TCF4: variants seen among roughly 807,000 people sequenced by gnomAD.
The protein encoded by TCF4 is SL3-3 enhancer factor 2.
In TCF4, 3 loss-of-function variants were observed where a neutral mutation model predicts 82.1. That is an observed-to-expected ratio of 0.04 (90% CI 0.02 to 0.09). TCF4 has a LOEUF of 0.09. TCF4 is among the 10% of genes least tolerant of loss of function. TCF4 has a pLI of 1.00. For missense variants in TCF4, 518 were observed against 852.7 expected, an observed-to-expected ratio of 0.61 and a Z score of 4.89; for synonymous variants, 276 against 309.6, an observed-to-expected ratio of 0.89 and a Z score of 1.14.
At chr18:55,323,839 T>C (rs1393872560) in intron 8 of TCF4, among the ~76,000 whole-genome samples, 6 of 152,256 alleles carry the variant, frequency 3.9e-5, no homozygotes, top group Non-Finnish European at 8.8e-5. Flanking sequence ...AAGGCTTTTC[T>C]AGATCCTAAC....
intron 11 of TCF4, among the ~76,000 whole-genome samples, chr18:55,261,996 G>A (rs1306621307): frequency 2.0e-5 from 3 of 152,124 alleles, no homozygotes; most frequent in African/African-American, 7.2e-5. Context: ...CAGTCCTACA[G>A]TACACCAAAC....
At chr18:55,524,881 T>G (rs2096965366) in intron 3 of TCF4, among the ~76,000 whole-genome samples, 1 of 152,136 alleles carries the variant, frequency 6.6e-6, no homozygotes, top group African/African-American at 2.4e-5. Flanking sequence ...AATTAGCATT[T>G]CAAAAGACAG....
At chr18:55,509,792 C>A (rs963314956) in intron 3 of TCF4, among the ~76,000 whole-genome samples, 4 of 152,174 alleles carry the variant, frequency 2.6e-5, no homozygotes, top group African/African-American at 9.6e-5. Context: ...AAGTTCTGAG[C>A]CAAAAATAAA....
chr18:55,434,522 C>A (rs2095281948), intron 5 of TCF4, among the ~76,000 whole-genome samples: 1 of 150,570 alleles, frequency 6.6e-6, no homozygotes, highest in South Asian at 2.1e-4. Flanking sequence ...CAGGTTCACG[C>A]CATTCTCCTG....
chr18:55,235,430 A>AT (rs1238175329), intron 15 of TCF4, among the ~76,000 whole-genome samples: 7 of 152,090 alleles, frequency 4.6e-5, no homozygotes, highest in Admixed American at 4.6e-4. Context: ...ACATTTTTCC[A>AT]TTTTTTTCCT....
intron 3 of TCF4, among the ~76,000 whole-genome samples, chr18:55,471,660 A>G (rs2096182565): frequency 6.6e-6 from 1 of 151,982 alleles, no homozygotes; most frequent in South Asian, 2.1e-4. Flanking sequence ...CAGCTACTCA[A>G]GAGGCTGAGG....
At chr18:55,346,164 C>G (rs921136281) in intron 8 of TCF4, among the ~76,000 whole-genome samples, 2 of 152,086 alleles carry the variant, frequency 1.3e-5, no homozygotes, top group African/African-American at 4.8e-5. Flanking sequence ...CTTGATACCC[C>G]TAATAATTGC....
At chr18:55,623,134 G>A (rs2147991024) in intron 2 of TCF4, among the ~76,000 whole-genome samples, 1 of 152,202 alleles carries the variant, frequency 6.6e-6, no homozygotes, top group South Asian at 2.1e-4. Context: ...TAAACACACT[G>A]TCTTTTGTTT....
chr18:55,469,235 G>A (rs567915389), intron 3 of TCF4, among the ~76,000 whole-genome samples: 22 of 152,132 alleles, frequency 1.4e-4, no homozygotes, highest in Non-Finnish European at 2.8e-4. Context: ...ATGCCGAGGC[G>A]GGCAGATCAG....
At chr18:55,469,928 G>A (rs1052339216) in intron 3 of TCF4, among the ~76,000 whole-genome samples, 17 of 152,172 alleles carry the variant, frequency 1.1e-4, no homozygotes, top group African/African-American at 3.9e-4. Flanking sequence ...AAAATACTGA[G>A]CAGACAAGAT....
chr18:55,283,186 T>C (rs2062970303), intron 8 of TCF4, among the ~76,000 whole-genome samples: 1 of 151,736 alleles, frequency 6.6e-6, no homozygotes, highest in Admixed American at 6.6e-5. Flanking sequence ...ATTTTACAGA[T>C]TTAATTTTTT....
chr18:55,562,553 C>T (rs748336995), intron 3 of TCF4, among the ~76,000 whole-genome samples: 1 of 152,106 alleles, frequency 6.6e-6, no homozygotes, highest in Non-Finnish European at 1.5e-5. Flanking sequence ...CTGGGCAGCC[C>T]CCTCTCTATC....
At position 55,224,030 on chromosome 18, in the gene TCF4, A is replaced by G. The variant is rs2046261720; in HGVS notation, c.*4005T>C. 6.7e-6 allele frequency: 1 copy of G among 150,130 alleles called. No individual in the cohort carries two copies. Among genetic ancestry groups the G allele is most frequent in the African/African-American group, 2.4e-5 (1 of 40,988 alleles). The allele number at this position is 150,130 out of a possible 1,614,324, so 9.3% of individuals were successfully genotyped here. The stretch of plus-strand genomic sequence containing the variant: ...TGCTCCTGCGAAAAATAAGCCAAAT[A>G]TATTTTTTATTTTTAAATTTAGTTT... On this transcript the variant is annotated 3_prime_UTR_variant, in exon 20 of 20. Coordinates refer to ENST00000354452, the MANE Select transcript of TCF4 (RefSeq NM_001083962.2).
chr18:55,481,752 T>C (rs1200868734), intron 3 of TCF4, among the ~76,000 whole-genome samples: 1 of 152,198 alleles, frequency 6.6e-6, no homozygotes, highest in East Asian at 1.9e-4. Context: ...CTCCTAGACG[T>C]CCAATTCAAC....
intron 8 of TCF4, among the ~76,000 whole-genome samples, chr18:55,339,559 T>C (rs1792228295): frequency 6.6e-6 from 1 of 152,278 alleles, no homozygotes; most frequent in East Asian, 1.9e-4. Flanking sequence ...TCAGGGCTCA[T>C]CAGCCAACAG....
chr18:55,465,329 G>T (rs2095989039), intron 3 of TCF4, among the ~76,000 whole-genome samples: 1 of 151,580 alleles, frequency 6.6e-6, no homozygotes, highest in South Asian at 2.1e-4. Flanking sequence ...TATTTATTTT[G>T]GGATACAGTA....
intron 2 of TCF4, chr18:55,586,260 ATTT>A (rs895898708): frequency 9.5e-6 from 9 of 946,162 alleles, no homozygotes; most frequent in Non-Finnish European, 1.3e-5. Flanking sequence ...GGCGGTTTGG[ATTT>A]TATTTGTGTG....
At chr18:55,390,762 A>G (rs1315155754) in intron 6 of TCF4, among the ~76,000 whole-genome samples, 1 of 152,230 alleles carries the variant, frequency 6.6e-6, no homozygotes, top group East Asian at 1.9e-4. Flanking sequence ...ATGGATGGAG[A>G]CAGTCTGGAG....
At chr18:55,464,964 A>AAAGTCTAACAGCTAAGTTACCATATT (rs1356517245) in intron 3 of TCF4, among the ~76,000 whole-genome samples, 1 of 152,232 alleles carries the variant, frequency 6.6e-6, no homozygotes, top group East Asian at 1.9e-4. Context: ...CGCAGGATGG[A>AAAGTCTAACAGCTAAGTTACCATATT]AAGTCTAACA....
Sources: gnomAD v4.1 joint callset for allele counts (sites outside exome capture counted in the v4.1 genomes callset) on GRCh38, gnomAD v4.1.1 for gene constraint, MANE v1.5 for transcripts, NCBI Gene and HGNC (gene_info 2026-07-23, HGNC 2026-07-21) for gene names.